AP1S2: variants seen among roughly 807,000 people sequenced by gnomAD.
AP1S2 encodes the protein AP-1 complex subunit sigma-2.
A neutral mutation model predicts 14.3 loss-of-function variants in AP1S2; 1 was observed. The observed-to-expected ratio is 0.07, with a 90% CI of 0.02 to 0.33. The LOEUF is 0.33. AP1S2 is among the 10% of genes least tolerant of loss of function. The pLI is 0.99. For synonymous variants in AP1S2, 30 were observed against 40.5 expected, an observed-to-expected ratio of 0.74 and a Z score of 0.99; for missense variants, 30 against 117.7, an observed-to-expected ratio of 0.25 and a Z score of 3.45.
chrX:15,843,772 T>C (rs1481193682), intron 4 of AP1S2, among the ~76,000 whole-genome samples: 1 of 111,808 alleles, frequency 8.9e-6, no homozygotes, highest in Non-Finnish European at 1.9e-5. Context: ...CAATTTCTAA[T>C]CCTGGTTTTG....
Position 15,854,786 on chromosome X carries a change from T to G in AP1S2, c.-99A>C, listed in dbSNP as rs1273583572. The G allele has an allele frequency of 7.5e-6, 6 of 801,882 alleles. No homozygotes were observed. Among genetic ancestry groups the G allele is most frequent in the Non-Finnish European group, 6.0e-6 (4 of 669,828 alleles). The allele number at this position is 801,882 out of a possible 1,213,427, so 66.1% of individuals were successfully genotyped here. On this transcript the variant is annotated 5_prime_UTR_variant, in exon 1 of 6. Transcript: ENST00000672987. ...CCGTGCTGAGGAAGAGAAGCCGTGG[T>G]GCTGTGGGGAGGACACCCGGCTGGC...
chrX:15,827,717 G>A (rs1933308758), intron 5 of AP1S2, among the ~76,000 whole-genome samples: 1 of 111,914 alleles, frequency 8.9e-6, no homozygotes, highest in Non-Finnish European at 1.9e-5. Flanking sequence ...TTATCTTAGT[G>A]GTAAAATTCA....
At chrX:15,847,507 A>C (rs926323457) in intron 2 of AP1S2, among the ~76,000 whole-genome samples, 1 of 111,524 alleles carries the variant, frequency 9.0e-6, no homozygotes, top group African/African-American at 3.3e-5. Flanking sequence ...AGTTATTTAA[A>C]ATGGTGGAGC....
intron 1 of AP1S2, among the ~76,000 whole-genome samples, chrX:15,853,290 G>A (rs1429929482): frequency 7.1e-5 from 8 of 112,218 alleles, no homozygotes; most frequent in Non-Finnish European, 1.3e-4. Flanking sequence ...ATAAAAAATA[G>A]TATCTACAGA....
intron 1 of AP1S2, among the ~76,000 whole-genome samples, chrX:15,853,548 A>G (rs1439284995): frequency 1.8e-5 from 2 of 112,293 alleles, no homozygotes; most frequent in African/African-American, 6.5e-5. Flanking sequence ...GTTACTGCAA[A>G]TAAGATTCAA....
chrX:15,850,547 C>T lies in AP1S2; in HGVS notation c.179+1799G>A, dbSNP rs1262004662. On this transcript the variant is annotated intron_variant, in intron 2 of 5. Coordinates refer to ENST00000672987, the MANE Select transcript of AP1S2 (RefSeq NM_001272071.2). The stretch of plus-strand genomic sequence containing the variant: ...TTTTTTTTTTTTTTAATTGTAGAGA[C>T]GGCGGGGTCTCACTAAGTTGCCAGG... 4.7e-5 allele frequency among the ~76,000 whole-genome samples: 5 copies of T among 105,854 alleles called. No individual in the cohort carries two copies. In the Admixed American group the frequency reaches 5.1e-4, roughly 11 times the overall value. The allele number at this position is 105,854 out of a possible 115,157, so 91.9% of individuals were successfully genotyped here.
chrX:15,851,219 G>A (rs1473591805), intron 2 of AP1S2, among the ~76,000 whole-genome samples: 1 of 112,125 alleles, frequency 8.9e-6, no homozygotes, highest in African/African-American at 3.2e-5. Context: ...AAGACCAAAC[G>A]AAACACTGGA....
chrX:15,828,348 T>C (rs1478148159), intron 4 of AP1S2, 148 bp from the exon 5 acceptor site: 7 of 369,690 alleles, frequency 1.9e-5, no homozygotes, highest in Non-Finnish European at 3.0e-5. Flanking sequence ...TTGGAAAACA[T>C]GGATAATAGT....
intron 4 of AP1S2, among the ~76,000 whole-genome samples, chrX:15,835,358 C>T (rs962995358): frequency 1.8e-5 from 2 of 111,483 alleles, no homozygotes; most frequent in Non-Finnish European, 3.8e-5. Flanking sequence ...TTTTTATGGC[C>T]CCTAATCAAA....
At chrX:15,852,293 A>C (rs187909844) in intron 2 of AP1S2, 53 bp downstream of exon 2, 1 of 1,105,923 alleles carries the variant, frequency 9.0e-7, no homozygotes, top group East Asian at 3.0e-5. Flanking sequence ...GCAATTTCCT[A>C]AATGACCTAA....
intron 5 of AP1S2, 143 bp from the exon 6 acceptor site, chrX:15,827,515 G>T: frequency 1.7e-6 from 1 of 581,952 alleles, no homozygotes; most frequent in Non-Finnish European, 2.9e-6. Context: ...GACAGCCATT[G>T]GTTATTTAGG....
chrX:15,835,683 G>A (rs760786090), intron 4 of AP1S2, among the ~76,000 whole-genome samples: 24 of 111,042 alleles, frequency 2.2e-4, no homozygotes, highest in Non-Finnish European at 3.8e-4. Flanking sequence ...GAGCAGAGAA[G>A]TGCTTTACTT....
intron 4 of AP1S2, among the ~76,000 whole-genome samples, chrX:15,829,754 T>G (rs1366881250): frequency 9.0e-6 from 1 of 111,256 alleles, no homozygotes; most frequent in Non-Finnish European, 1.9e-5. Context: ...GTAGTAAAAT[T>G]TATAGAAACA....
chrX:15,842,501 T>C (rs897191499), intron 4 of AP1S2, among the ~76,000 whole-genome samples: 2 of 112,123 alleles, frequency 1.8e-5, no homozygotes, highest in Non-Finnish European at 3.8e-5. Flanking sequence ...CTCAGACTGC[T>C]AAATAGACAA....
intron 5 of AP1S2, among the ~76,000 whole-genome samples, 168 bp from the exon 6 acceptor site, chrX:15,827,540 A>G (rs904480685): frequency 8.9e-6 from 1 of 111,802 alleles, no homozygotes; most frequent in African/African-American, 3.2e-5. Flanking sequence ...TGTGCCCTCA[A>G]AATTGGAGAC....
intron 3 of AP1S2, 87 bp downstream of exon 3, chrX:15,845,816 C>T: frequency 1.1e-6 from 1 of 871,920 alleles, no homozygotes; most frequent in South Asian, 2.0e-5. Context: ...GTTAGAATCC[C>T]CAAGACAACC....
At chrX:15,843,285 G>C (rs1384887952) in intron 4 of AP1S2, among the ~76,000 whole-genome samples, 1 of 112,075 alleles carries the variant, frequency 8.9e-6, no homozygotes, top group Non-Finnish European at 1.9e-5. Flanking sequence ...GCTGGGTGCA[G>C]TGGCTTACAC....
At chrX:15,843,104 A>AAT (rs1223793643) in intron 4 of AP1S2, among the ~76,000 whole-genome samples, 2 of 111,971 alleles carry the variant, frequency 1.8e-5, no homozygotes, top group Non-Finnish European at 3.8e-5. Flanking sequence ...CCCATAGGGG[A>AAT]ATATATATAC....
intron 2 of AP1S2, among the ~76,000 whole-genome samples, chrX:15,850,828 C>A: frequency 9.0e-6 from 1 of 111,405 alleles, no homozygotes; most frequent in South Asian, 3.8e-4. Context: ...TGATCTTTTT[C>A]CAGCCCTGTT....
Sources: allele counts gnomAD v4.1 joint callset (sites outside exome capture counted in the v4.1 genomes callset), GRCh38; gene constraint gnomAD v4.1.1; transcripts MANE v1.5; gene names NCBI Gene and HGNC (gene_info 2026-07-23, HGNC 2026-07-21).